ABCA12: variants seen among roughly 807,000 people sequenced by gnomAD.
ABCA12 encodes ATP binding cassette subfamily A member 12.
A neutral mutation model predicts 293.5 loss-of-function variants in ABCA12; 156 were observed. That is an observed-to-expected ratio of 0.53 (90% CI 0.47 to 0.61). The LOEUF (loss-of-function observed/expected upper bound fraction) is 0.61, where lower values mean the gene tolerates loss of function less well. Among genes scored for constraint, ABCA12 ranks in the 20% least tolerant of loss-of-function variants. ABCA12 has a pLI of 0.00. For missense variants in ABCA12, 2,797 were observed against 3,090.2 expected (o/e 0.91, Z 2.25); for synonymous variants, 1,063 against 1,108.0 (o/e 0.96, Z 0.81).
chr2:215,008,073 A>G (rs1478820383), intron 18 of ABCA12, among the ~76,000 whole-genome samples: 1 of 152,186 alleles, frequency 6.6e-6, no homozygotes, highest in Non-Finnish European at 1.5e-5. Context: ...GGTTTGATTC[A>G]TGTCCAGAGT....
intron 7 of ABCA12, among the ~76,000 whole-genome samples, chr2:215,038,216 A>G (rs1176917352): frequency 6.6e-6 from 1 of 152,172 alleles, no homozygotes; most frequent in Non-Finnish European, 1.5e-5. Flanking sequence ...AAATATATGC[A>G]TATATATTTT....
chr2:214,961,035 C>T (rs117682084), intron 39 of ABCA12, among the ~76,000 whole-genome samples: 3 of 151,956 alleles, frequency 2.0e-5, no homozygotes, highest in East Asian at 3.9e-4. Context: ...AACAAAGATG[C>T]CTTCAAACAA....
rs748908083 is a variant in ABCA12 at position 214,956,709 on chromosome 2, T to C, written c.6187A>G (p.Ser2063Gly). 5.6e-6 allele frequency: 9 copies of C among 1,613,624 alleles called. No homozygotes were observed. The highest frequency in any genetic ancestry group is 1.7e-5 in the Admixed American group (1 of 59,984). Residue 2063 changes from serine (S) to glycine (G), a missense_variant, in exon 42 of 53, where the codon AGT (serine) becomes GGT (glycine). This residue lies in a region of ABCA12 where 2,130 missense variants were observed against 2,427.0 expected (regional missense o/e 0.88). Transcript: ENST00000272895. Reference protein sequence around the residue: ...IAIFKLPAFYSENNLGAVSLL... With the variant: ...IAIFKLPAFYGENNLGAVSLL... ...GATACAGCGCCTAGGTTGTTTTCAC[T>C]GTAGAATGCAGGTAATTTGAAAATC...
chr2:214,994,358 CTG>C (rs1699991618), intron 23 of ABCA12, among the ~76,000 whole-genome samples: 1 of 152,152 alleles, frequency 6.6e-6, no homozygotes. Flanking sequence ...ATCTGATAAC[CTG>C]TTGCTCAAAG....
chr2:214,979,587 A>G lies in ABCA12; in HGVS notation c.4741-547T>C, dbSNP rs149508749. Among the ~76,000 whole-genome samples, 13 of 152,104 alleles carry G rather than the reference A, an allele frequency of 8.5e-5. No individual in the cohort carries two copies. In the East Asian group the frequency reaches 2.3e-3, roughly 27 times the overall value. On this transcript the variant is annotated intron_variant, in intron 31 of 52. Coordinates refer to ENST00000272895, the MANE Select transcript of ABCA12 (RefSeq NM_173076.3). ...GAAATAAGTGATGTACTAATTGCCAATATATGAAATAATTTACTTATTGAT... is the reference window on the plus strand; with the variant it reads ...GAAATAAGTGATGTACTAATTGCCAGTATATGAAATAATTTACTTATTGAT...
chr2:214,954,067 A>G lies in ABCA12; in HGVS notation c.6434T>C (p.Leu2145Pro). ...GCCAAAACAGAATTGTGGGAAAATC[A>G]GGAAAATGCGCTTGAGGGTTTCAGA... is the stretch of plus-strand genomic sequence containing the variant. ...LISETLKRIFLIFPQFCFGYG... is the reference protein window; with the variant it reads ...LISETLKRIFPIFPQFCFGYG... Residue 2145 changes from leucine (L) to proline (P), a missense_variant, in exon 44 of 53, where the codon CTG becomes CCG. Physicochemically the swap from Leu to Pro is moderately conservative, Grantham distance 98 (BLOSUM62 -3). This residue lies in a region of ABCA12 where 2,130 missense variants were observed against 2,427.0 expected (regional missense o/e 0.88). Coordinates refer to ENST00000272895, the MANE Select transcript of ABCA12 (RefSeq NM_173076.3). 1 of 1,614,056 alleles carries G rather than the reference A, an allele frequency of 6.2e-7. No individual in the cohort carries two copies. The highest frequency in any genetic ancestry group is 8.5e-7 in the Non-Finnish European group (1 of 1,179,976).
intron 2 of ABCA12, among the ~76,000 whole-genome samples, chr2:215,100,182 T>TTTTTTA (rs1277562822): frequency 6.6e-6 from 1 of 152,032 alleles, no homozygotes; most frequent in East Asian, 1.9e-4. Context: ...ATGTGACTAA[T>TTTTTTA]TTTTTATTTT....
chr2:215,091,195 T>C (rs1016176471), intron 2 of ABCA12, among the ~76,000 whole-genome samples: 1 of 152,068 alleles, frequency 6.6e-6, no homozygotes, highest in Non-Finnish European at 1.5e-5. Context: ...ATCCTCTTTT[T>C]CTATGGGCCC....
rs561529406 is a variant in ABCA12 at position 215,069,112 on chromosome 2, A to G, written c.164-4893T>C. ...AAGACAACCTAGTTGGTATTTTTATATTTCCAGGTGAAAGGCATTTAGTCT... is the reference window on the plus strand; with the variant it reads ...AAGACAACCTAGTTGGTATTTTTATGTTTCCAGGTGAAAGGCATTTAGTCT... On this transcript the variant is annotated intron_variant, in intron 2 of 52. Coordinates refer to ENST00000272895, the MANE Select transcript of ABCA12 (RefSeq NM_173076.3). 5.3e-5 allele frequency among the ~76,000 whole-genome samples: 8 copies of G among 152,090 alleles called. No homozygotes were observed. The East Asian group carries it at 9.7e-4, about 18-fold the overall frequency.
intron 23 of ABCA12, among the ~76,000 whole-genome samples, chr2:214,996,121 C>CACAGAGCTACCAAACAGAAACTGGT: frequency 6.6e-6 from 1 of 152,132 alleles, no homozygotes. Flanking sequence ...CAAATGGAGA[C>CACAGAGCTACCAAACAGAAACTGGT]ACAGAGCTAC....
At chr2:215,043,922 C>T (rs1701152316) in intron 7 of ABCA12, among the ~76,000 whole-genome samples, 1 of 152,016 alleles carries the variant, frequency 6.6e-6, no homozygotes, top group African/African-American at 2.4e-5. Flanking sequence ...TATCTACATA[C>T]ACAGTATATA....
intron 2 of ABCA12, among the ~76,000 whole-genome samples, chr2:215,090,755 C>T (rs2106105965): frequency 6.6e-6 from 1 of 152,220 alleles, no homozygotes; most frequent in Non-Finnish European, 1.5e-5. Context: ...TGACAAGTAC[C>T]CACTGCCCTC....
Position 214,932,396 on chromosome 2 carries a change from A to G in ABCA12, c.*238T>C. ...TTGCATAAGAATCACCAGCATATACATTAGCATGCTCACAGTGTTGAGTAT... is the reference window on the plus strand; with the variant it reads ...TTGCATAAGAATCACCAGCATATACGTTAGCATGCTCACAGTGTTGAGTAT... On this transcript the variant is annotated 3_prime_UTR_variant, in exon 53 of 53. Transcript: ENST00000272895. 1.9e-6 allele frequency: 1 copy of G among 513,568 alleles called. No individual in the cohort carries two copies. 31.8% of individuals were successfully genotyped at this position (513,568 alleles called of 1,614,324 possible).
At chr2:214,980,370 G>T in intron 31 of ABCA12, 113 bp downstream of exon 31, 1 of 1,404,294 alleles carries the variant, frequency 7.1e-7, no homozygotes, top group South Asian at 1.2e-5. Context: ...GAAGCAGTAA[G>T]CTAGTATACT....
intron 20 of ABCA12, 150 bp from the exon 21 acceptor site, chr2:215,001,887 A>T: frequency 1.4e-6 from 1 of 711,822 alleles, no homozygotes. Flanking sequence ...AGTATTCTAC[A>T]CCAAAGAAAA....
At chr2:215,007,165 G>T (rs1473580401) in intron 19 of ABCA12, among the ~76,000 whole-genome samples, 1 of 152,108 alleles carries the variant, frequency 6.6e-6, no homozygotes, top group Non-Finnish European at 1.5e-5. Context: ...GTGAGCTACC[G>T]CACCTGGCCT....
chr2:214,989,469 A>G lies in ABCA12; in HGVS notation c.3695-6T>C, dbSNP rs767996123. On this transcript the variant is annotated splice_polypyrimidine_tract_variant and splice_region_variant and intron_variant, in intron 25 of 52. Coordinates refer to ENST00000272895, the MANE Select transcript of ABCA12 (RefSeq NM_173076.3). ...CATATTTTCCCACTGAAGACCTAAAAAGTGAACACAAGTGTTTATTCTTCT... is the reference window on the plus strand; with the variant it reads ...CATATTTTCCCACTGAAGACCTAAAGAGTGAACACAAGTGTTTATTCTTCT... The G allele has an allele frequency of 1.4e-5, 22 of 1,613,626 alleles. 1 individual carries two copies. Among genetic ancestry groups the G allele is most frequent in the Non-Finnish European group, 1.8e-5 (21 of 1,179,890 alleles).
intron 43 of ABCA12, 63 bp downstream of exon 43, chr2:214,955,139 A>G (rs1035323148): frequency 1.4e-4 from 213 of 1,567,526 alleles, no homozygotes; most frequent in Non-Finnish European, 1.8e-4. Flanking sequence ...TAGAATAAAT[A>G]AAATCTTTCC....
intron 27 of ABCA12, among the ~76,000 whole-genome samples, chr2:214,987,009 C>G (rs924219539): frequency 2.0e-5 from 3 of 152,064 alleles, no homozygotes; most frequent in Non-Finnish European, 4.4e-5. Flanking sequence ...CAACAGATAT[C>G]AAATAGTCAA....
Sources: gnomAD v4.1 joint callset for allele counts (sites outside exome capture counted in the v4.1 genomes callset) on GRCh38, gnomAD v4.1.1 for gene constraint, gnomAD v4.1.1 regional missense constraint, MANE v1.5 for transcripts, NCBI Gene and HGNC (gene_info 2026-07-23, HGNC 2026-07-21) for gene names.